Variants in MTUS2 observed in about 807,000 individuals in gnomAD.
MTUS2 encodes microtubule-associated tumor suppressor candidate 2.
In MTUS2, 40 loss-of-function variants were observed where a neutral mutation model predicts 114.1. The ratio of observed to expected loss-of-function variants is 0.35; its 90% confidence interval spans 0.27 to 0.46. MTUS2 has a LOEUF of 0.46. Ranked by LOEUF, MTUS2 falls within the 20% of genes least tolerant of loss-of-function variation. MTUS2 has a pLI of 1.00. For missense variants in MTUS2, 1,679 were observed against 1,705.4 expected, an observed-to-expected ratio of 0.98 and a Z score of 0.27; for synonymous variants, 688 against 672.0, an observed-to-expected ratio of 1.02 and a Z score of -0.37.
At chr13:28,831,485 G>A (rs73452668) in intron 1 of MTUS2, among the ~76,000 whole-genome samples, 1,983 of 152,228 alleles carry the variant, frequency 0.013, 45 homozygotes, top group African/African-American at 0.045. Flanking sequence ...TAAAAGGAGA[G>A]CTGGAATGGC....
chr13:29,396,716 A>G (rs999689574), intron 8 of MTUS2, among the ~76,000 whole-genome samples: 2 of 152,200 alleles, frequency 1.3e-5, no homozygotes, highest in South Asian at 2.1e-4. Flanking sequence ...TAGGGTGCTA[A>G]TAAGCCAGTA....
intron 5 of MTUS2, among the ~76,000 whole-genome samples, chr13:29,216,268 T>C (rs1895678132): frequency 6.6e-6 from 1 of 152,234 alleles, no homozygotes; most frequent in African/African-American, 2.4e-5. Flanking sequence ...AGAGTGCTGC[T>C]GGCAGCGAGT....
At chr13:29,259,150 C>T (rs1397541251) in intron 5 of MTUS2, among the ~76,000 whole-genome samples, 3 of 152,184 alleles carry the variant, frequency 2.0e-5, no homozygotes, top group South Asian at 4.1e-4. Flanking sequence ...CCCACCACTG[C>T]TCAGGGTGGG....
At chr13:29,173,926 C>A (rs1042084448) in intron 5 of MTUS2, among the ~76,000 whole-genome samples, 8 of 152,014 alleles carry the variant, frequency 5.3e-5, no homozygotes, top group African/African-American at 1.9e-4. Flanking sequence ...AAAATCTCTC[C>A]TCCCTATATG....
At chr13:29,460,921 G>C (rs1321390709) in intron 9 of MTUS2, among the ~76,000 whole-genome samples, 1 of 151,612 alleles carries the variant, frequency 6.6e-6, no homozygotes, top group Admixed American at 6.6e-5. Context: ...ATTGGCAAAA[G>C]CATTTTGTAT....
intron 1 of MTUS2, among the ~76,000 whole-genome samples, chr13:28,831,355 TAATAAACATGA>T (rs375263860): frequency 3.3e-5 from 5 of 152,120 alleles, no homozygotes; most frequent in African/African-American, 1.2e-4. Context: ...TTGGCAGAAT[TAATAAACATGA>T]AATAAACATG....
chr13:29,068,225 C>A (rs890743486), intron 4 of MTUS2, among the ~76,000 whole-genome samples: 6 of 152,238 alleles, frequency 3.9e-5, no homozygotes, highest in Admixed American at 2.0e-4. Context: ...ACAGTGTTAC[C>A]CATTTCTACA....
chr13:29,067,503 T>C (rs989460363), intron 4 of MTUS2, among the ~76,000 whole-genome samples: 1 of 152,096 alleles, frequency 6.6e-6, no homozygotes, highest in African/African-American at 2.4e-5. Flanking sequence ...TGACCTAGTT[T>C]TGAATGAGCA....
chr13:29,304,761 C>G (rs1323293635), intron 6 of MTUS2, among the ~76,000 whole-genome samples: 1 of 152,120 alleles, frequency 6.6e-6, no homozygotes, highest in African/African-American at 2.4e-5. Flanking sequence ...TGTTCAGGAT[C>G]TGAACTCAGC....
intron 5 of MTUS2, among the ~76,000 whole-genome samples, chr13:29,169,764 G>A (rs1412654408): frequency 2.6e-5 from 4 of 152,156 alleles, no homozygotes; most frequent in African/African-American, 9.7e-5. Context: ...TCTCATGTGT[G>A]AAGCTTCAGG....
intron 2 of MTUS2, among the ~76,000 whole-genome samples, chr13:28,852,897 T>TTCATACATACATACA (rs1555267729): frequency 1.2e-4 from 3 of 24,672 alleles, no homozygotes; most frequent in Non-Finnish European, 2.9e-4. Context: ...AGCCTCTGTC[T>TTCATACATACATACA]TAAATACATA....
At chr13:29,398,391 G>A (rs1366352744) in intron 8 of MTUS2, among the ~76,000 whole-genome samples, 1 of 151,422 alleles carries the variant, frequency 6.6e-6, no homozygotes, top group East Asian at 1.9e-4. Context: ...GAACCCAGGA[G>A]GTGGAGGTTG....
At chr13:29,346,050 A>G (rs1868645638) in intron 7 of MTUS2, among the ~76,000 whole-genome samples, 1 of 152,160 alleles carries the variant, frequency 6.6e-6, no homozygotes, top group African/African-American at 2.4e-5. Context: ...CACCTCCTCC[A>G]GTGGAGATAG....
At position 29,389,743 on chromosome 13, in the gene MTUS2, ATACATACATATGTG is replaced by A. The variant is rs1320581222; in HGVS notation, c.3117+30272_3117+30285del. 1.4e-4 allele frequency among the ~76,000 whole-genome samples: 7 copies of A among 51,326 alleles called. 1 individual carries two copies. The highest frequency in any genetic ancestry group is 4.0e-4 in the African/African-American group (6 of 15,128). 33.7% of individuals were successfully genotyped at this position (51,326 alleles called of 152,430 possible). On this transcript the variant is annotated intron_variant, in intron 8 of 15. Transcript: ENST00000612955. Reference sequence around the variant, plus strand: ...TACATACATATGTGTGTATATGTATATACATACATATGTGTGTATATGTATATACATACATATGT... The same window carrying A: ...TACATACATATGTGTGTATATGTATATGTATATGTATATACATACATATGT...
intron 5 of MTUS2, among the ~76,000 whole-genome samples, chr13:29,270,571 TGGCATTCTCTG>T (rs1270630026): frequency 6.6e-6 from 1 of 152,224 alleles, no homozygotes; most frequent in East Asian, 1.9e-4. Context: ...GGTCTCCCTC[TGGCATTCTCTG>T]AGTTTCTAGT....
intron 8 of MTUS2, among the ~76,000 whole-genome samples, chr13:29,395,135 G>A (rs577434757): frequency 2.6e-5 from 4 of 152,310 alleles, no homozygotes; most frequent in African/African-American, 9.6e-5. Flanking sequence ...CTATACTAGA[G>A]TCAGGTTGGA....
chr13:29,268,993 T>TC (rs1319193929), intron 5 of MTUS2, among the ~76,000 whole-genome samples: 1 of 152,148 alleles, frequency 6.6e-6, no homozygotes, highest in Non-Finnish European at 1.5e-5. Context: ...TGTCCTCTCT[T>TC]TATGCTATTT....
chr13:28,951,038 T>C (rs962685863), intron 2 of MTUS2, among the ~76,000 whole-genome samples: 1 of 152,212 alleles, frequency 6.6e-6, no homozygotes, highest in Non-Finnish European at 1.5e-5. Context: ...AATGATCTTA[T>C]ATCTAGGAAA....
chr13:29,184,499 T>C (rs1202635214), intron 5 of MTUS2, among the ~76,000 whole-genome samples: 1 of 152,182 alleles, frequency 6.6e-6, no homozygotes, highest in Non-Finnish European at 1.5e-5. Context: ...TATCCAAACT[T>C]GAAGCATTGG....
Sources: gnomAD v4.1 joint callset for allele counts (sites outside exome capture counted in the v4.1 genomes callset) on GRCh38, gnomAD v4.1.1 for gene constraint, MANE v1.5 for transcripts, NCBI Gene and HGNC (gene_info 2026-07-23, HGNC 2026-07-21) for gene names.